The following GRID1 variants were observed in gnomAD, a reference collection of about 807,000 sequenced individuals.
GRID1 encodes the protein glutamate ionotropic receptor delta type subunit 1, also known as glutamate receptor ionotropic, delta-1.
In GRID1, 28 loss-of-function variants were observed where a neutral mutation model predicts 98.0. The observed-to-expected ratio is 0.29, with a 90% CI of 0.21 to 0.39. The LOEUF is 0.39. GRID1 is among the 10% of genes least tolerant of loss of function. GRID1 has a pLI of 1.00. For synonymous variants in GRID1, 553 were observed against 538.5 expected (o/e 1.03, Z -0.37); for missense variants, 1,111 against 1,340.5 (o/e 0.83, Z 2.67).
chr10:85,912,114 G>C (rs1421511434), intron 5 of GRID1, among the ~76,000 whole-genome samples: 2 of 152,192 alleles, frequency 1.3e-5, no homozygotes, highest in Non-Finnish European at 2.9e-5. Flanking sequence ...CTTGCTCAGG[G>C]CATTGAGGAT....
At chr10:85,962,418 T>C (rs1461808120) in intron 4 of GRID1, among the ~76,000 whole-genome samples, 8 of 152,210 alleles carry the variant, frequency 5.3e-5, no homozygotes, top group African/African-American at 1.4e-4. Context: ...CTCAGCTGCA[T>C]AGACCTCCCA....
At chr10:86,160,250 G>C (rs1205702675) in intron 3 of GRID1, among the ~76,000 whole-genome samples, 1 of 152,176 alleles carries the variant, frequency 6.6e-6, no homozygotes, top group African/African-American at 2.4e-5. Context: ...AATGCTCACT[G>C]TGTGCCTGTC....
chr10:85,834,365 G>C (rs1842894971), intron 8 of GRID1, among the ~76,000 whole-genome samples: 1 of 152,118 alleles, frequency 6.6e-6, no homozygotes, highest in African/African-American at 2.4e-5. Flanking sequence ...AATTCTGTCT[G>C]TCTTTCTGAC....
At chr10:85,994,998 T>A (rs1842723834) in intron 4 of GRID1, among the ~76,000 whole-genome samples, 1 of 152,238 alleles carries the variant, frequency 6.6e-6, no homozygotes, top group Non-Finnish European at 1.5e-5. Flanking sequence ...CTTCACATGC[T>A]TACTATAAAT....
At chr10:86,058,690 C>T (rs1414727909) in intron 4 of GRID1, among the ~76,000 whole-genome samples, 2 of 152,294 alleles carry the variant, frequency 1.3e-5, no homozygotes, top group East Asian at 3.9e-4. Context: ...TGTTAAGATG[C>T]CACCCTTCAT....
At chr10:86,043,125 G>A (rs1207990300) in intron 4 of GRID1, among the ~76,000 whole-genome samples, 2 of 152,120 alleles carry the variant, frequency 1.3e-5, no homozygotes, top group Non-Finnish European at 2.9e-5. Flanking sequence ...TTAGACATCA[G>A]AGAGTGGAGT....
chr10:86,144,914 C>T, intron 3 of GRID1, among the ~76,000 whole-genome samples: 1 of 152,174 alleles, frequency 6.6e-6, no homozygotes, highest in East Asian at 1.9e-4. Flanking sequence ...GTTCCACTCT[C>T]CCTTCTCAGG....
chr10:85,766,593 G>C (rs1216851949), intron 8 of GRID1, among the ~76,000 whole-genome samples: 1 of 152,126 alleles, frequency 6.6e-6, no homozygotes, highest in African/African-American at 2.4e-5. Context: ...AACCATACCA[G>C]AGGAAAGATG....
intron 2 of GRID1, among the ~76,000 whole-genome samples, chr10:86,337,013 T>A (rs1472880869): frequency 3.0e-5 from 4 of 135,524 alleles, no homozygotes; most frequent in East Asian, 5.2e-4. Context: ...ATGGCTAGTT[T>A]TTTGCAGTTT....
At chr10:85,629,288 T>C (rs1842946773) in intron 13 of GRID1, among the ~76,000 whole-genome samples, 2 of 152,188 alleles carry the variant, frequency 1.3e-5, no homozygotes, top group South Asian at 4.1e-4. Flanking sequence ...CATGGATGTA[T>C]TGCATAGTAG....
intron 4 of GRID1, among the ~76,000 whole-genome samples, chr10:85,925,227 T>A (rs775389105): frequency 1.6e-4 from 24 of 152,186 alleles, no homozygotes; most frequent in Admixed American, 4.6e-4. Flanking sequence ...TTCTTGTTCT[T>A]ACAGGCATTC....
At position 86,020,592 on chromosome 10, in the gene GRID1, T is replaced by C. The variant is rs191005743; in HGVS notation, c.727-104353A>G. 3.9e-5 allele frequency among the ~76,000 whole-genome samples: 6 copies of C among 152,350 alleles called. No homozygotes were observed. The East Asian group carries it at 1.2e-3, about 29-fold the overall frequency. The stretch of plus-strand genomic sequence containing the variant: ...GGAGTCAAGAGTGTGGAGGTGACTG[T>C]AGGTCAGAGGAAGTAACAGATGGAG... On this transcript the variant is annotated intron_variant, in intron 4 of 15. Coordinates refer to ENST00000327946, the MANE Select transcript of GRID1 (RefSeq NM_017551.3).
At chr10:86,145,911 C>G (rs976120804) in intron 3 of GRID1, among the ~76,000 whole-genome samples, 4 of 152,022 alleles carry the variant, frequency 2.6e-5, no homozygotes, top group African/African-American at 4.8e-5. Context: ...ACCACGTAGC[C>G]GGTGGAGGCA....
chr10:85,698,818 T>C (rs1246599519), intron 12 of GRID1, among the ~76,000 whole-genome samples: 1 of 152,236 alleles, frequency 6.6e-6, no homozygotes, highest in Non-Finnish European at 1.5e-5. Flanking sequence ...TTTGGTGCTA[T>C]TGGCGTCTTG....
chr10:85,806,420 A>C (rs551435870), intron 8 of GRID1, among the ~76,000 whole-genome samples: 1 of 152,272 alleles, frequency 6.6e-6, no homozygotes, highest in African/African-American at 2.4e-5. Context: ...CTGTGTTCTT[A>C]GACTATGGCT....
intron 4 of GRID1, among the ~76,000 whole-genome samples, chr10:86,024,623 C>G (rs572397553): frequency 1.3e-5 from 2 of 152,326 alleles, no homozygotes; most frequent in South Asian, 2.1e-4. Flanking sequence ...GGGCTCCCCC[C>G]AAAAGTTAGT....
chr10:86,271,027 C>A (rs1450066609), intron 2 of GRID1, among the ~76,000 whole-genome samples: 1 of 152,098 alleles, frequency 6.6e-6, no homozygotes, highest in Admixed American at 6.5e-5. Context: ...GGACAGAGTA[C>A]CAGAGAAGAG....
intron 4 of GRID1, among the ~76,000 whole-genome samples, chr10:86,081,771 C>T (rs533597647): frequency 2.6e-5 from 4 of 152,172 alleles, no homozygotes; most frequent in African/African-American, 4.8e-5. Flanking sequence ...TCTGAAAAGG[C>T]GACATACTAT....
At chr10:85,637,674 C>T (rs1252061982) in intron 13 of GRID1, among the ~76,000 whole-genome samples, 4 of 152,186 alleles carry the variant, frequency 2.6e-5, no homozygotes, top group African/African-American at 7.2e-5. Context: ...CTTTATCTTC[C>T]TGTACCTTTT....
Sources: allele counts gnomAD v4.1 joint callset (sites outside exome capture counted in the v4.1 genomes callset), GRCh38; gene constraint gnomAD v4.1.1; transcripts MANE v1.5; gene names NCBI Gene and HGNC (gene_info 2026-07-23, HGNC 2026-07-21).